Variants in GDF3 observed in about 807,000 individuals in gnomAD.
GDF3 encodes the protein growth/differentiation factor 3.
In GDF3, 10 loss-of-function variants were observed where a neutral mutation model predicts 10.2. That is an observed-to-expected ratio of 0.98 (90% confidence interval 0.60 to 1.66). The LOEUF is 1.66. Ranked by LOEUF, GDF3 falls within the 40% of genes most tolerant of loss-of-function variation. The probability of loss-of-function intolerance (pLI) is 0.00; values close to 1 mark genes in which losing one functional copy is unlikely to be tolerated. For synonymous variants in GDF3, 166 were observed against 178.5 expected (o/e 0.93, Z 0.56); for missense variants, 450 against 438.3 (o/e 1.03, Z -0.24).
At chr12:7,691,790 G>A (rs1379391216) in intron 1 of GDF3, among the ~76,000 whole-genome samples, 1 of 81,124 alleles carries the variant, frequency 1.2e-5, no homozygotes, top group Admixed American at 1.0e-4. Context: ...GGCGGATCAC[G>A]AGATGAGGAG....
intron 1 of GDF3, among the ~76,000 whole-genome samples, chr12:7,693,201 TTC>T (rs1347717304): frequency 6.6e-6 from 1 of 151,912 alleles, no homozygotes; most frequent in African/African-American, 2.4e-5. Context: ...AGTAGGTATT[TTC>T]TCTCTTTTTC....
intron 1 of GDF3, among the ~76,000 whole-genome samples, chr12:7,694,287 G>T (rs749594419): frequency 6.6e-6 from 1 of 152,282 alleles, no homozygotes; most frequent in South Asian, 2.1e-4. Flanking sequence ...TCTGGGCTGG[G>T]TGCGGTGGCT....
intron 1 of GDF3, among the ~76,000 whole-genome samples, chr12:7,692,614 A>G (rs1007605246): frequency 4.6e-5 from 7 of 151,462 alleles, no homozygotes; most frequent in African/African-American, 1.7e-4. Context: ...GGTTCAAGCA[A>G]TTCTCCTGAA....
chr12:7,690,687 T>G lies in GDF3; in HGVS notation c.286A>C (p.Lys96Gln). Residue 96 changes from lysine to glutamine, a missense_variant, in exon 2 of 2, where the codon AAG becomes CAG. Coordinates refer to ENST00000329913, the MANE Select transcript of GDF3 (RefSeq NM_020634.3). ...LPDQGFFLYPKKISQASSCLQ... is the reference protein window; with the variant it reads ...LPDQGFFLYPQKISQASSCLQ... Reference sequence around the variant, plus strand: ...CAGGAGGAAGCTTGGGAAATTTTCTTTGGGTAAAGAAAGAAACCTAGATGG... The same window carrying G: ...CAGGAGGAAGCTTGGGAAATTTTCTGTGGGTAAAGAAAGAAACCTAGATGG... The G allele has an allele frequency of 1.2e-6, 2 of 1,609,522 alleles. No homozygotes were observed. The highest frequency in any genetic ancestry group is 1.7e-6 in the Non-Finnish European group (2 of 1,176,038).
At position 7,695,547 on chromosome 12, in the gene GDF3, G is replaced by T; in HGVS notation, c.182C>A (p.Ala61Glu). 6.2e-7 allele frequency: 1 copy of T among 1,614,042 alleles called. No homozygotes were observed. Among genetic ancestry groups the T allele is most frequent in the Non-Finnish European group, 8.5e-7 (1 of 1,179,894 alleles). The change falls in exon 1 of 2, where the codon GCA becomes GAA. Residue 61 changes from alanine (A) to glutamate (E), a missense_variant. Transcript: ENST00000329913. Reference sequence around the variant, plus strand: ...GTCTCGGGAGACCCCAGTGGTCGCTGCTGCCTCGCGATCCTGGAAAATTTT... The same window carrying T: ...GTCTCGGGAGACCCCAGTGGTCGCTTCTGCCTCGCGATCCTGGAAAATTTT... ...LKKIFQDREA[A>E]ATTGVSRDLC... is the part of the protein sequence containing the mutation.
chr12:7,690,238 AG>A lies in GDF3; in HGVS notation c.734del (p.Pro245LeufsTer57). ...GGATGGCTGCTCTCCTTTTCCGAGA[AG>A]GGTGGCACTGATCAGGGTTGAGAGT... ...VVTLNPDQCH[P>X]SRKRRAAIPV... On this transcript the variant is annotated frameshift_variant, in exon 2 of 2. Coordinates refer to ENST00000329913, the MANE Select transcript of GDF3 (RefSeq NM_020634.3). LOFTEE classifies it low-confidence loss of function (END_TRUNC). 6.2e-7 allele frequency: 1 copy of A among 1,614,144 alleles called. No homozygotes were observed. Among genetic ancestry groups the A allele is most frequent in the Non-Finnish European group, 8.5e-7 (1 of 1,180,014 alleles).
In GDF3 at chr12:7,690,250, A is replaced by C. The variant is rs753318345; in HGVS notation, c.723T>G (p.Asp241Glu). 17 of 1,613,988 alleles carry C rather than the reference A, an allele frequency of 1.1e-5. No homozygotes were observed. The highest frequency in any genetic ancestry group is 1.4e-5 in the Non-Finnish European group (17 of 1,180,020). Reference protein sequence around the residue: ...ASLLVVTLNPDQCHPSRKRRA... With the variant: ...ASLLVVTLNPEQCHPSRKRRA... The stretch of plus-strand genomic sequence containing the variant: ...TCCTTTTCCGAGAAGGGTGGCACTG[A>C]TCAGGGTTGAGAGTCACCACCAGCA... The change falls in exon 2 of 2, where the codon GAT becomes GAG. Residue 241 changes from aspartate (D) to glutamate (E), a missense_variant. Coordinates refer to ENST00000329913, the MANE Select transcript of GDF3 (RefSeq NM_020634.3).
intron 1 of GDF3, among the ~76,000 whole-genome samples, chr12:7,691,543 C>T (rs1344920928): frequency 7.7e-6 from 1 of 129,826 alleles, no homozygotes; most frequent in African/African-American, 3.1e-5. Flanking sequence ...CCCATCTCTA[C>T]AAAATAAATA....
chr12:7,690,687 T>A lies in GDF3; in HGVS notation c.286A>T (p.Lys96Ter). 1 of 1,609,522 alleles carries A rather than the reference T, an allele frequency of 6.2e-7. No individual in the cohort carries two copies. The highest frequency in any genetic ancestry group is 8.5e-7 in the Non-Finnish European group (1 of 1,176,038). The change falls in exon 2 of 2, where the codon AAG becomes TAG. Residue 96 changes from lysine (K) to a stop codon, truncating the protein, a stop_gained. Transcript: ENST00000329913. LOFTEE classifies it low-confidence loss of function (END_TRUNC). ...LPDQGFFLYP[K>*]KISQASSCLQ... ...CAGGAGGAAGCTTGGGAAATTTTCT[T>A]TGGGTAAAGAAAGAAACCTAGATGG...
chr12:7,691,338 T>C (rs369693226), intron 1 of GDF3, among the ~76,000 whole-genome samples: 1 of 152,034 alleles, frequency 6.6e-6, no homozygotes, highest in East Asian at 1.9e-4. Context: ...CCCAGTAATA[T>C]CATCAGGGCC....
At chr12:7,693,090 G>A (rs1450643431) in intron 1 of GDF3, among the ~76,000 whole-genome samples, 2 of 152,110 alleles carry the variant, frequency 1.3e-5, no homozygotes, top group African/African-American at 4.8e-5. Context: ...GCCCAATACA[G>A]TCTACTTTTA....
Position 7,695,588 on chromosome 12 carries a change from C to T in GDF3, c.141G>A (p.Val47=). Residue 47 remains valine, a synonymous_variant, in exon 1 of 2, where the codon GTG becomes GTA. Coordinates refer to ENST00000329913, the MANE Select transcript of GDF3 (RefSeq NM_020634.3). ...KAPSPQKFQP[V]PYILKKIFQD... The stretch of plus-strand genomic sequence containing the variant: ...GGAAAATTTTCTTCAAGATATAAGG[C>T]ACAGGTTGGAACTTCTGGGGTGAAG... 1 of 1,614,142 alleles carries T rather than the reference C, an allele frequency of 6.2e-7. No individual in the cohort carries two copies. Among genetic ancestry groups the T allele is most frequent in the Non-Finnish European group, 8.5e-7 (1 of 1,180,028 alleles).
Position 7,690,041 on chromosome 12 carries a change from G to T in GDF3, c.932C>A (p.Ala311Asp), listed in dbSNP as rs369640821. Residue 311 changes from alanine (A) to aspartate (D), a missense_variant, in exon 2 of 2, where the codon GCT (alanine) becomes GAT (aspartate). By Grantham distance (126) the Ala-to-Asp change is moderately radical. Coordinates refer to ENST00000329913, the MANE Select transcript of GDF3 (RefSeq NM_020634.3). ...GGCATGCATCAGGGCTTGCATGAAA[G>T]CATAATTGGAGCTGTTGAGAGAGAT... ...LTISLNSSNY[A>D]FMQALMHAVD... is the part of the protein sequence containing the mutation. 2 of 1,614,042 alleles carry T rather than the reference G, an allele frequency of 1.2e-6. No individual in the cohort carries two copies. Among genetic ancestry groups the T allele is most frequent in the Non-Finnish European group, 1.7e-6 (2 of 1,180,038 alleles).
intron 1 of GDF3, among the ~76,000 whole-genome samples, chr12:7,690,923 G>A (rs376867861): frequency 1.4e-4 from 22 of 152,098 alleles, no homozygotes; most frequent in South Asian, 4.2e-4. Context: ...AGGCCGAGGC[G>A]GGCGGATCAC....
At chr12:7,691,879 T>C (rs7296016) in intron 1 of GDF3, among the ~76,000 whole-genome samples, 16,833 of 151,286 alleles carry the variant, frequency 0.11, 962 homozygotes, top group Middle Eastern at 0.13. Flanking sequence ...AGGTGGAGGG[T>C]GCCTGTAGTT....
intron 1 of GDF3, among the ~76,000 whole-genome samples, chr12:7,690,986 C>A (rs1044192745): frequency 2.6e-5 from 4 of 151,962 alleles, no homozygotes; most frequent in Non-Finnish European, 5.9e-5. Flanking sequence ...CCCGTCTCTA[C>A]TAAAAATACA....
Position 7,695,550 on chromosome 12 carries a change from G to T in GDF3, c.179C>A (p.Ala60Glu). ...ILKKIFQDRE[A>E]AATTGVSRDL... ...TCGGGAGACCCCAGTGGTCGCTGCT[G>T]CCTCGCGATCCTGGAAAATTTTCTT... The change falls in exon 1 of 2, where the codon GCA (alanine) becomes GAA (glutamate). Residue 60 changes from alanine (A) to glutamate (E), a missense_variant. Ala to Glu is a moderately radical substitution (Grantham distance 107). Coordinates refer to ENST00000329913, the MANE Select transcript of GDF3 (RefSeq NM_020634.3). 1 of 1,614,076 alleles carries T rather than the reference G, an allele frequency of 6.2e-7. No homozygotes were observed. The highest frequency in any genetic ancestry group is 2.2e-5 in the East Asian group (1 of 44,888).
Position 7,690,275 on chromosome 12 carries a change from A to G in GDF3, c.698T>C (p.Leu233Pro). 6.2e-7 allele frequency: 1 copy of G among 1,614,162 alleles called. No homozygotes were observed. Among genetic ancestry groups the G allele is most frequent in the South Asian group, 1.1e-5 (1 of 91,082 alleles). ...ARLRCSLHAS[L>P]LVVTLNPDQC... ...ATCAGGGTTGAGAGTCACCACCAGCAGGGAAGCATGAAGGGAGCATCTTAG... is the reference window on the plus strand; with the variant it reads ...ATCAGGGTTGAGAGTCACCACCAGCGGGGAAGCATGAAGGGAGCATCTTAG... Residue 233 changes from leucine to proline, a missense_variant, in exon 2 of 2, where the codon CTG becomes CCG. Physicochemically the swap from Leu to Pro is moderately conservative, Grantham distance 98. Transcript: ENST00000329913.
chr12:7,692,881 G>C (rs1436560852), intron 1 of GDF3, among the ~76,000 whole-genome samples: 1 of 151,768 alleles, frequency 6.6e-6, no homozygotes, highest in Non-Finnish European at 1.5e-5. Flanking sequence ...GAGCTCAAAG[G>C]ATCCTCCCAC....
Sources: allele counts gnomAD v4.1 joint callset (sites outside exome capture counted in the v4.1 genomes callset), GRCh38; gene constraint gnomAD v4.1.1; transcripts MANE v1.5; gene names NCBI Gene and HGNC (gene_info 2026-07-23, HGNC 2026-07-21).